Variants in PHLDB2 observed in about 807,000 individuals in gnomAD.
The protein encoded by PHLDB2 is pleckstrin homology-like domain family B member 2.
Under a neutral mutation model 123.6 loss-of-function variants are expected in PHLDB2, and 71 were observed. The ratio of observed to expected loss-of-function variants is 0.57; its 90% CI spans 0.47 to 0.70. The LOEUF is 0.70. PHLDB2 is among the 30% of genes least tolerant of loss of function. PHLDB2 has a pLI of 0.00. For synonymous variants in PHLDB2, 547 were observed against 541.6 expected, an observed-to-expected ratio of 1.01 and a Z score of -0.14; for missense variants, 1,446 against 1,519.5, an observed-to-expected ratio of 0.95 and a Z score of 0.80.
intron 1 of PHLDB2, among the ~76,000 whole-genome samples, chr3:111,733,024 A>G (rs979443431): frequency 6.6e-6 from 1 of 152,184 alleles, no homozygotes; most frequent in African/African-American, 2.4e-5. Flanking sequence ...CTCCACAAGC[A>G]TGGTTTTGTT....
chr3:111,902,046 T>C (rs2067233308), intron 2 of PHLDB2, among the ~76,000 whole-genome samples: 1 of 152,218 alleles, frequency 6.6e-6, no homozygotes, highest in Admixed American at 6.5e-5. Context: ...TTAATATTTT[T>C]TAAAAGTAAA....
Position 111,940,574 on chromosome 3 carries a change from G to C in PHLDB2, c.2326G>C (p.Val776Leu). ...SALKKQANHI[V>L]QQAQREQDHF... ...ATTGAAAAAGCAAGCCAATCACATT[G>C]TTCAGCAGGCTCAGAGAGAGCAAGA... The change falls in exon 8 of 18, where the codon GTT (valine) becomes CTT (leucine). Residue 776 changes from valine (V) to leucine (L), a missense_variant. Around this residue, in one of 3 missense-constraint regions of PHLDB2, gnomAD observed 594 missense variants for 646.0 expected, o/e 0.92. Coordinates refer to ENST00000431670, the MANE Select transcript of PHLDB2 (RefSeq NM_001134438.2). 1.9e-6 allele frequency: 3 copies of C among 1,603,180 alleles called. No homozygotes were observed. Among genetic ancestry groups the C allele is most frequent in the Non-Finnish European group, 2.6e-6 (3 of 1,175,438 alleles).
At chr3:111,904,276 T>C (rs867942902) in intron 2 of PHLDB2, among the ~76,000 whole-genome samples, 2 of 11,030 alleles carry the variant, frequency 1.8e-4, no homozygotes, top group Admixed American at 1.0e-3. Context: ...AGACCCTGTC[T>C]CAAAAAAAAA....
chr3:111,951,729 T>A (rs1006406124), intron 10 of PHLDB2, among the ~76,000 whole-genome samples: 14 of 151,790 alleles, frequency 9.2e-5, no homozygotes, highest in Admixed American at 7.2e-4. Flanking sequence ...TCAGCAAAAA[T>A]TTTTTTGAGC....
chr3:111,967,792 G>C lies in PHLDB2; in HGVS notation c.3283G>C (p.Glu1095Gln). 2 of 1,611,570 alleles carry C rather than the reference G, an allele frequency of 1.2e-6. No homozygotes were observed. Among genetic ancestry groups the C allele is most frequent in the South Asian group, 1.1e-5 (1 of 90,684 alleles). ...TSQRQKLIEK[E>Q]VKIRERQRAQ... The stretch of plus-strand genomic sequence containing the variant: ...CCAGAGGCAGAAGTTAATAGAAAAG[G>C]AAGTAAAAATAAGGGAGAGACAAAG... Residue 1095 changes from glutamate (E) to glutamine (Q), a missense_variant, in exon 15 of 18, where the codon GAA (glutamate) becomes CAA (glutamine). Physicochemically the swap from Glu to Gln is conservative, Grantham distance 29 (BLOSUM62 2). Coordinates refer to ENST00000431670, the MANE Select transcript of PHLDB2 (RefSeq NM_001134438.2).
intron 12 of PHLDB2, among the ~76,000 whole-genome samples, chr3:111,961,481 A>G (rs2071407377): frequency 6.6e-6 from 1 of 152,368 alleles, no homozygotes; most frequent in Non-Finnish European, 1.5e-5. Flanking sequence ...CGAGGAGCAC[A>G]GTCATTGGAA....
chr3:111,742,057 A>G (rs1367056411), intron 1 of PHLDB2, among the ~76,000 whole-genome samples: 1 of 152,132 alleles, frequency 6.6e-6, no homozygotes, highest in Non-Finnish European at 1.5e-5. Flanking sequence ...CTACTCTCCA[A>G]ATGTATTTAT....
intron 1 of PHLDB2, among the ~76,000 whole-genome samples, chr3:111,791,707 G>A (rs2060935213): frequency 1.3e-5 from 2 of 151,792 alleles, no homozygotes; most frequent in Non-Finnish European, 2.9e-5. Context: ...CATTATAATT[G>A]TACATATTTA....
intron 3 of PHLDB2, chr3:111,915,064 A>G (rs2068094406): frequency 6.6e-6 from 1 of 152,184 alleles, no homozygotes. Context: ...AAATAGGAGG[A>G]AAAAGCAGAT....
intron 2 of PHLDB2, among the ~76,000 whole-genome samples, chr3:111,900,012 T>C (rs931725015): frequency 5.3e-5 from 8 of 152,260 alleles, no homozygotes; most frequent in Non-Finnish European, 1.2e-4. Context: ...TGCACTTTTA[T>C]GTTATGGAGA....
chr3:111,889,137 C>T (rs971427426), intron 2 of PHLDB2, among the ~76,000 whole-genome samples: 3 of 152,116 alleles, frequency 2.0e-5, no homozygotes, highest in Non-Finnish European at 2.9e-5. Context: ...TTTTAGCAAA[C>T]TAATATAAGA....
chr3:111,953,015 G>A (rs712518), intron 11 of PHLDB2, among the ~76,000 whole-genome samples: 56,046 of 152,074 alleles, frequency 0.37, 12,367 homozygotes, highest in African/African-American at 0.62. Context: ...AAGATAGGAT[G>A]TAGCCTCTGT....
intron 1 of PHLDB2, among the ~76,000 whole-genome samples, chr3:111,781,059 C>A (rs955610789): frequency 1.3e-5 from 2 of 151,852 alleles, no homozygotes; most frequent in Admixed American, 6.6e-5. Flanking sequence ...TTTGCATTAT[C>A]TTCCTCAACA....
intron 4 of PHLDB2, 121 bp from the exon 5 acceptor site, chr3:111,920,161 G>C (rs909777195): frequency 8.9e-7 from 1 of 1,123,782 alleles, no homozygotes; most frequent in East Asian, 2.6e-5. Context: ...TCAGGCACCC[G>C]ATCTGGCTGC....
chr3:111,923,270 C>T (rs1448129951), intron 5 of PHLDB2, among the ~76,000 whole-genome samples: 1 of 152,194 alleles, frequency 6.6e-6, no homozygotes, highest in African/African-American at 2.4e-5. Context: ...CCCTCATGAT[C>T]AGACTCCCGA....
chr3:111,732,625 C>T, exon 1 of PHLDB2: 1 of 1,535,426 alleles, frequency 6.5e-7, no homozygotes, highest in Non-Finnish European at 8.7e-7. Context: ...TCAGCAATCG[C>T]TGGAACAGCC....
At chr3:111,910,347 A>G (rs2067814513) in intron 2 of PHLDB2, among the ~76,000 whole-genome samples, 2 of 152,176 alleles carry the variant, frequency 1.3e-5, no homozygotes, top group African/African-American at 4.8e-5. Context: ...TAGCACTGAT[A>G]TTTTGGAGCA....
chr3:111,845,699 GTAGT>G (rs2063951382), intron 1 of PHLDB2: 1 of 1,103,248 alleles, frequency 9.1e-7, no homozygotes, highest in Non-Finnish European at 1.3e-6. Context: ...AACTTCAGCA[GTAGT>G]TAGTTTCCCC....
intron 14 of PHLDB2, 146 bp from the exon 15 acceptor site, chr3:111,967,531 AG>A (rs2071856680): frequency 1.4e-6 from 1 of 695,286 alleles, no homozygotes; most frequent in South Asian, 4.5e-5. Context: ...CATGGTTATG[AG>A]TTGTTTTCTT....
Sources: allele counts gnomAD v4.1 joint callset (sites outside exome capture counted in the v4.1 genomes callset), GRCh38; gene constraint gnomAD v4.1.1; regional missense constraint gnomAD v4.1.1; transcripts MANE v1.5; gene names NCBI Gene and HGNC (gene_info 2026-07-23, HGNC 2026-07-21).